PDIA4: variants seen among roughly 807,000 people sequenced by gnomAD.
PDIA4 encodes protein disulfide isomerase family A member 4, also known as protein disulfide-isomerase A4.
A neutral mutation model predicts 62.1 loss-of-function variants in PDIA4; 33 were observed. That is an observed-to-expected ratio of 0.53 (90% confidence interval 0.40 to 0.71). The LOEUF (loss-of-function observed/expected upper bound fraction) is 0.71. Ranked by LOEUF, PDIA4 falls within the 30% of genes least tolerant of loss-of-function variation. The pLI, the probability that PDIA4 is intolerant of heterozygous loss-of-function variation, is 0.00. For missense variants in PDIA4, 804 were observed against 813.6 expected, an observed-to-expected ratio of 0.99 and a Z score of 0.14; for synonymous variants, 341 against 324.1, an observed-to-expected ratio of 1.05 and a Z score of -0.56.
At chr7:149,024,406 G>T (rs1824464181) in intron 1 of PDIA4, among the ~76,000 whole-genome samples, 1 of 152,100 alleles carries the variant, frequency 6.6e-6, no homozygotes, top group South Asian at 2.1e-4. Flanking sequence ...GCTAGCTCTA[G>T]CCTTCTATCT....
In PDIA4 at chr7:149,012,189, C is replaced by A. The variant is rs971628686; in HGVS notation, c.786G>T (p.Arg262Ser). Residue 262 changes from arginine to serine, a missense_variant, in exon 5 of 10, where the codon AGG becomes AGT. Transcript: ENST00000652332. ...CTCGTGGGCCGTTGTAGTCATAAGG[C>A]CTTCCTTTGCGGAAAATTTTCAGGG... ...YPTLKIFRKG[R>S]PYDYNGPREK... 4 of 1,614,152 alleles carry A rather than the reference C, an allele frequency of 2.5e-6. No individual in the cohort carries two copies. The highest frequency in any genetic ancestry group is 1.3e-5 in the African/African-American group (1 of 75,026).
At chr7:149,005,415 AG>A (rs1823719220) in intron 8 of PDIA4, 41 bp from the exon 9 acceptor site, 1 of 1,275,568 alleles carries the variant, frequency 7.8e-7, no homozygotes, top group African/African-American at 1.5e-5. Context: ...GGCCACACAG[AG>A]CAAGTCCCAG....
At chr7:149,008,017 G>A (rs1196134967) in intron 7 of PDIA4, 142 bp downstream of exon 7, 1 of 753,532 alleles carries the variant, frequency 1.3e-6, no homozygotes, top group Non-Finnish European at 2.1e-6. Flanking sequence ...CCTGTGGGGT[G>A]GGGAGAACGG....
intron 1 of PDIA4, among the ~76,000 whole-genome samples, chr7:149,025,563 C>T (rs1824520882): frequency 6.6e-6 from 1 of 152,230 alleles, no homozygotes; most frequent in African/African-American, 2.4e-5. Context: ...GACTGTATTA[C>T]ACGTTATATT....
chr7:149,022,817 G>A (rs1446326331), intron 1 of PDIA4, among the ~76,000 whole-genome samples: 19 of 152,108 alleles, frequency 1.2e-4, no homozygotes, highest in Admixed American at 1.2e-3. Flanking sequence ...GGAGAAGGGG[G>A]CAGCTTTGTT....
chr7:149,024,632 G>A (rs914466061), intron 1 of PDIA4, among the ~76,000 whole-genome samples: 1 of 151,698 alleles, frequency 6.6e-6, no homozygotes, highest in Admixed American at 6.6e-5. Context: ...GGCCAACATC[G>A]TGAAACCCTG....
intron 1 of PDIA4, among the ~76,000 whole-genome samples, chr7:149,026,932 C>T (rs1824578341): frequency 1.3e-5 from 2 of 152,064 alleles, no homozygotes; most frequent in South Asian, 2.1e-4. Context: ...GACCTCTGAC[C>T]GGAAGGATAA....
chr7:149,025,401 T>C (rs1053335162), intron 1 of PDIA4, among the ~76,000 whole-genome samples: 2 of 152,204 alleles, frequency 1.3e-5, no homozygotes, highest in Non-Finnish European at 2.9e-5. Context: ...AACAGCTGCA[T>C]AAACTCTACC....
intron 1 of PDIA4, among the ~76,000 whole-genome samples, chr7:149,024,514 T>C (rs1824468201): frequency 6.6e-6 from 1 of 151,938 alleles, no homozygotes; most frequent in East Asian, 1.9e-4. Flanking sequence ...CATTCTAGGA[T>C]AGAAAATACA....
chr7:149,004,519 T>TG (rs575760512), intron 9 of PDIA4, among the ~76,000 whole-genome samples: 5 of 152,074 alleles, frequency 3.3e-5, no homozygotes, highest in Admixed American at 1.3e-4. Context: ...CCGGGAGCCA[T>TG]GGGGGGGAGG....
intron 8 of PDIA4, among the ~76,000 whole-genome samples, chr7:149,005,602 C>A (rs1383013251): frequency 6.6e-6 from 1 of 152,212 alleles, no homozygotes; most frequent in Non-Finnish European, 1.5e-5. Flanking sequence ...CACGGCCACG[C>A]CTGCCTGGGG....
At chr7:149,006,081 G>T in intron 7 of PDIA4, 28 bp from the exon 8 acceptor site, 1 of 1,534,042 alleles carries the variant, frequency 6.5e-7, no homozygotes. Flanking sequence ...CAGGTGAGGG[G>T]GCCCACCATC....
intron 4 of PDIA4, 150 bp from the exon 5 acceptor site, chr7:149,012,510 G>A: frequency 3.0e-6 from 2 of 660,032 alleles, no homozygotes; most frequent in South Asian, 1.9e-5. Flanking sequence ...CAGGCCCTCA[G>A]GTGCTGTTGA....
intron 3 of PDIA4, 136 bp from the exon 4 acceptor site, chr7:149,015,178 A>C: frequency 1.2e-6 from 1 of 834,786 alleles, no homozygotes; most frequent in Non-Finnish European, 1.8e-6. Context: ...GATTTCCTGA[A>C]ACCTGGCTGC....
chr7:149,024,899 C>T lies in PDIA4; in HGVS notation c.88+3422G>A, dbSNP rs575473023. 1.0e-4 allele frequency among the ~76,000 whole-genome samples: 15 copies of T among 149,100 alleles called. No homozygotes were observed. In the South Asian group the frequency reaches 3.2e-3, roughly 32 times the overall value. ...CAACACTCTGGGAGGCCGAGGCAAG[C>T]GGATCTCCTGAGGTCGGGAGTTCGA... On this transcript the variant is annotated intron_variant, in intron 1 of 9. Coordinates refer to ENST00000652332, the MANE Select transcript of PDIA4 (RefSeq NM_004911.5).
intron 1 of PDIA4, among the ~76,000 whole-genome samples, chr7:149,027,379 T>A (rs771515589): frequency 1.3e-5 from 2 of 152,090 alleles, no homozygotes; most frequent in Non-Finnish European, 2.9e-5. Flanking sequence ...CACGCAGAAG[T>A]TACTCAATCT....
At chr7:149,022,522 T>C (rs2129505598) in intron 1 of PDIA4, among the ~76,000 whole-genome samples, 1 of 152,292 alleles carries the variant, frequency 6.6e-6, no homozygotes, top group South Asian at 2.1e-4. Context: ...GGCAATTTCA[T>C]TAACGCTGAA....
At chr7:149,004,709 C>T (rs993490758) in intron 9 of PDIA4, among the ~76,000 whole-genome samples, 1 of 152,236 alleles carries the variant, frequency 6.6e-6, no homozygotes, top group African/African-American at 2.4e-5. Flanking sequence ...GGGTGTTCAG[C>T]ACACCCAGAC....
intron 1 of PDIA4, among the ~76,000 whole-genome samples, chr7:149,025,086 AT>A (rs60312741): frequency 0.6 from 50,103 of 83,004 alleles, 14,263 homozygotes; most frequent in South Asian, 0.75. Flanking sequence ...AAAAAAAAAA[AT>A]ATATATATAT....
Sources: allele counts gnomAD v4.1 joint callset (sites outside exome capture counted in the v4.1 genomes callset), GRCh38; gene constraint gnomAD v4.1.1; transcripts MANE v1.5; gene names NCBI Gene and HGNC (gene_info 2026-07-23, HGNC 2026-07-21).